The following DNASE1 variants were observed in gnomAD, a reference collection of about 807,000 sequenced individuals.
DNASE1 encodes deoxyribonuclease 1, also known as deoxyribonuclease-1.
A neutral mutation model predicts 33.9 loss-of-function variants in DNASE1; 40 were observed. The ratio of observed to expected loss-of-function variants is 1.18; its 90% confidence interval spans 0.92 to 1.54. The LOEUF (loss-of-function observed/expected upper bound fraction) is 1.54. Ranked by LOEUF, DNASE1 falls within the 40% of genes most tolerant of loss-of-function variation. The probability of loss-of-function intolerance (pLI) is 0.00; values close to 1 mark genes in which losing one functional copy is unlikely to be tolerated. For missense variants in DNASE1, 518 were observed against 372.6 expected (o/e 1.39, Z -3.21); for synonymous variants, 216 against 160.0 (o/e 1.35, Z -2.64).
chr16:3,655,753 C>T, intron 2 of DNASE1, 96 bp from the exon 3 acceptor site: 1 of 1,507,472 alleles, frequency 6.6e-7, no homozygotes, highest in Non-Finnish European at 9.1e-7. Flanking sequence ...TTAAACCGAG[C>T]AATGCCACGA....
rs746285287 is a variant in DNASE1 at position 3,657,184 on chromosome 16, T to C, written c.550-3T>C. 3.7e-6 allele frequency: 6 copies of C among 1,614,036 alleles called. No individual in the cohort carries two copies. The East Asian group carries it at 1.1e-4, about 30-fold the overall frequency. On this transcript the variant is annotated splice_region_variant and splice_polypyrimidine_tract_variant and intron_variant, in intron 6 of 8. Transcript: ENST00000246949. ...CAGGGCCACAGGCAGCGTTTCCTGG[T>C]AGGACGTCATGTTGATGGGCGACTT...
intron 1 of DNASE1, among the ~76,000 whole-genome samples, chr16:3,623,850 C>A (rs1285001177): frequency 1.3e-5 from 2 of 152,150 alleles, no homozygotes; most frequent in Admixed American, 1.3e-4. Context: ...ATCAAAACCA[C>A]AGTGAGATAT....
chr16:3,664,540 G>A (rs570638658), exon 10 of DNASE1: 32 of 1,435,076 alleles, frequency 2.2e-5, no homozygotes, highest in South Asian at 1.7e-4. Context: ...CAAACCCTCC[G>A]ATGCCCATGG....
intron 1 of DNASE1, among the ~76,000 whole-genome samples, chr16:3,633,046 A>T (rs1476307158): frequency 2.0e-5 from 3 of 152,194 alleles, no homozygotes; most frequent in Middle Eastern, 3.4e-3. Context: ...GACCCAACAC[A>T]TGCTTGGGTC....
chr16:3,653,878 GCC>G (rs2042437836), upstream of DNASE1: 1 of 137,432 alleles, frequency 7.3e-6, no homozygotes, highest in Non-Finnish European at 1.5e-5. Context: ...TCCTGGCTAC[GCC>G]GGAGGATTGC....
intron 1 of DNASE1, among the ~76,000 whole-genome samples, chr16:3,612,592 G>A (rs920674854): frequency 2.4e-5 from 3 of 124,872 alleles, no homozygotes; most frequent in African/African-American, 9.9e-5. Context: ...CGGTGGGGGC[G>A]GGGGGGGGAG....
chr16:3,625,427 G>C (rs1168955106), intron 1 of DNASE1, among the ~76,000 whole-genome samples: 1 of 152,108 alleles, frequency 6.6e-6, no homozygotes, highest in African/African-American at 2.4e-5. Flanking sequence ...AGGCCAGCCT[G>C]GGCTGTGTAG....
At chr16:3,620,338 AG>A (rs2041262890) in intron 1 of DNASE1, among the ~76,000 whole-genome samples, 1 of 152,036 alleles carries the variant, frequency 6.6e-6, no homozygotes, top group African/African-American at 2.4e-5. Flanking sequence ...AGAGATCAAA[AG>A]GCTTCGTATA....
intron 1 of DNASE1, among the ~76,000 whole-genome samples, chr16:3,617,832 C>T (rs899305925): frequency 1.3e-5 from 2 of 152,034 alleles, no homozygotes; most frequent in African/African-American, 2.4e-5. Flanking sequence ...AACCCCCTAC[C>T]CTTTCTGCCA....
At chr16:3,646,363 C>T (rs1329390056) in intron 1 of DNASE1, among the ~76,000 whole-genome samples, 1 of 152,156 alleles carries the variant, frequency 6.6e-6, no homozygotes, top group Non-Finnish European at 1.5e-5. Context: ...CCACCGCTTC[C>T]TGGAGCTTGT....
At chr16:3,633,910 A>C (rs890027795) in intron 1 of DNASE1, among the ~76,000 whole-genome samples, 2 of 151,668 alleles carry the variant, frequency 1.3e-5, no homozygotes, top group African/African-American at 4.8e-5. Context: ...CCGGATTCAC[A>C]CCATTCTCCT....
chr16:3,653,466 C>G (rs553104317), upstream of DNASE1: 1 of 151,858 alleles, frequency 6.6e-6, no homozygotes, highest in East Asian at 1.9e-4. Context: ...CCAGCATTTG[C>G]GGGAAGATTG....
upstream of DNASE1, chr16:3,653,150 T>G (rs559368881): frequency 4.6e-5 from 7 of 152,306 alleles, no homozygotes; most frequent in Non-Finnish European, 8.8e-5. Context: ...GCACAGATCT[T>G]AAGAAGAAGA....
At chr16:3,655,075 C>G (rs1941953358) in intron 1 of DNASE1, 31 bp downstream of exon 1, 2 of 586,784 alleles carry the variant, frequency 3.4e-6, no homozygotes, top group Non-Finnish European at 6.1e-6. Context: ...CTCTGGGTGA[C>G]TGGCCGGTTT....
At chr16:3,642,156 C>A (rs543723203), upstream of DNASE1, among the ~76,000 whole-genome samples, 2 of 152,326 alleles carry the variant, frequency 1.3e-5, no homozygotes, top group East Asian at 3.9e-4. Context: ...CCCTCAGGAT[C>A]TGTTGCCCAA....
chr16:3,616,371 G>A (rs117534157), intron 1 of DNASE1, among the ~76,000 whole-genome samples: 8,131 of 152,172 alleles, frequency 0.053, 271 homozygotes, highest in Admixed American at 0.072. Context: ...CTGTAATCCC[G>A]GCATTTTGGG....
At chr16:3,624,246 G>C (rs1343020127) in intron 1 of DNASE1, among the ~76,000 whole-genome samples, 1 of 150,854 alleles carries the variant, frequency 6.6e-6, no homozygotes, top group East Asian at 1.9e-4. Flanking sequence ...TCCAGCCTGG[G>C]CGACAGAGTG....
chr16:3,638,758 C>T (rs950633209), upstream of DNASE1, among the ~76,000 whole-genome samples: 1 of 152,196 alleles, frequency 6.6e-6, no homozygotes, highest in African/African-American at 2.4e-5. Flanking sequence ...CTAGGACTTC[C>T]AATTATGTGC....
chr16:3,636,214 G>C (rs928391918), intron 1 of DNASE1, among the ~76,000 whole-genome samples: 1 of 150,564 alleles, frequency 6.6e-6, no homozygotes, highest in Non-Finnish European at 1.5e-5. Context: ...GTATCTAATC[G>C]ATGAATCCAT....
Sources: gnomAD v4.1 joint callset for allele counts (sites outside exome capture counted in the v4.1 genomes callset) on GRCh38, gnomAD v4.1.1 for gene constraint, MANE v1.5 for transcripts, NCBI Gene and HGNC (gene_info 2026-07-23, HGNC 2026-07-21) for gene names.